Variants in STAM2 observed in about 807,000 individuals in gnomAD.
The protein encoded by STAM2 is signal transducing adaptor molecule 2, also known as signal transducing adapter molecule 2.
In STAM2, 51 loss-of-function variants were observed where a neutral mutation model predicts 65.6. The observed-to-expected ratio is 0.78, with a 90% confidence interval of 0.62 to 0.98. The LOEUF (loss-of-function observed/expected upper bound fraction) is 0.98, where lower values mean the gene tolerates loss of function less well. Among genes scored for constraint, STAM2 ranks in the 50% least tolerant of loss-of-function variants. STAM2 has a pLI of 0.00. For missense variants in STAM2, 584 were observed against 617.8 expected (o/e 0.95, Z 0.58); for synonymous variants, 198 against 208.4 (o/e 0.95, Z 0.43).
intron 1 of STAM2, among the ~76,000 whole-genome samples, chr2:152,151,047 C>T (rs545360278): frequency 6.1e-4 from 92 of 151,394 alleles, no homozygotes; most frequent in African/African-American, 1.2e-3. Flanking sequence ...ATTCATACAA[C>T]GAAATATGAA....
At chr2:152,165,244 C>T (rs1194562379) in intron 1 of STAM2, among the ~76,000 whole-genome samples, 6 of 151,642 alleles carry the variant, frequency 4.0e-5, no homozygotes, top group Non-Finnish European at 7.4e-5. Flanking sequence ...GCTAACACAG[C>T]GAAACCTCGT....
intron 12 of STAM2, among the ~76,000 whole-genome samples, chr2:152,124,997 G>A (rs1188688506): frequency 3.3e-5 from 5 of 152,216 alleles, no homozygotes; most frequent in Non-Finnish European, 7.3e-5. Context: ...GAATCAAACA[G>A]AAAGTTAACT....
intron 7 of STAM2, among the ~76,000 whole-genome samples, chr2:152,137,436 G>T (rs913863541): frequency 7.9e-5 from 12 of 151,506 alleles, no homozygotes; most frequent in African/African-American, 2.2e-4. Flanking sequence ...CTTTTTTTTC[G>T]TATTTTTGCC....
intron 13 of STAM2, 71 bp from the exon 14 acceptor site, chr2:152,120,873 G>A: frequency 8.4e-7 from 1 of 1,187,996 alleles, no homozygotes; most frequent in Non-Finnish European, 1.2e-6. Flanking sequence ...CAATCATCAT[G>A]ACAAAAATGC....
At chr2:152,136,088 CAAAAAA>C (rs1228963447) in intron 7 of STAM2, among the ~76,000 whole-genome samples, 1 of 55,554 alleles carries the variant, frequency 1.8e-5, no homozygotes, top group African/African-American at 6.9e-5. Context: ...AGACTCGTCT[CAAAAAA>C]AAAAAAAAAA....
In STAM2 at chr2:152,133,373, TTAAC is replaced by T. The variant is rs755541261; in HGVS notation, c.882+25_882+28del. ...TAGTACATTTAAATGTCTTGATAGT[TTAAC>T]TATTAAACAAAAGAGGGACCCTACC... On this transcript the variant is annotated intron_variant, in intron 9 of 13. Transcript: ENST00000263904. 7.6e-6 allele frequency: 12 copies of T among 1,574,682 alleles called. No homozygotes were observed. The African/African-American group carries it at 1.2e-4, about 16-fold the overall frequency.
chr2:152,170,482 C>CAAAA (rs111603376), intron 1 of STAM2, among the ~76,000 whole-genome samples: 1 of 101,872 alleles, frequency 9.8e-6, no homozygotes, highest in Non-Finnish European at 2.2e-5. Context: ...GACTCCGTCT[C>CAAAA]AAAAAAAAAA....
intron 13 of STAM2, among the ~76,000 whole-genome samples, chr2:152,121,265 T>G (rs1688849072): frequency 1.3e-5 from 2 of 152,188 alleles, no homozygotes; most frequent in Admixed American, 6.5e-5. Flanking sequence ...TGAGCCACCA[T>G]GCCGAGCTTG....
Position 152,150,239 on chromosome 2 carries a change from A to G in STAM2, c.41-10T>C, listed in dbSNP as rs930005866. The G allele has an allele frequency of 6.4e-7, 1 of 1,567,652 alleles. No individual in the cohort carries two copies. The highest frequency in any genetic ancestry group is 1.7e-5 in the Admixed American group (1 of 59,766). ...TCATTCGTGGCTTTTTCTATAAAATATATTGGCATACACAACAATGAGGAC... is the reference window on the plus strand; with the variant it reads ...TCATTCGTGGCTTTTTCTATAAAATGTATTGGCATACACAACAATGAGGAC... On this transcript the variant is annotated splice_polypyrimidine_tract_variant and intron_variant, in intron 1 of 13. Coordinates refer to ENST00000263904, the MANE Select transcript of STAM2 (RefSeq NM_005843.6).
intron 8 of STAM2, among the ~76,000 whole-genome samples, chr2:152,134,669 T>A (rs891131493): frequency 6.6e-6 from 1 of 152,170 alleles, no homozygotes; most frequent in African/African-American, 2.4e-5. Context: ...ACTAGACACA[T>A]AATCCCTCAG....
chr2:152,163,085 G>T (rs941375195), intron 1 of STAM2, among the ~76,000 whole-genome samples: 3 of 152,136 alleles, frequency 2.0e-5, no homozygotes, highest in Non-Finnish European at 4.4e-5. Context: ...ACTGCCTCTT[G>T]AGAGGAATTT....
At chr2:152,149,573 C>T (rs144434471) in intron 2 of STAM2, among the ~76,000 whole-genome samples, 3,089 of 150,260 alleles carry the variant, frequency 0.021, 52 homozygotes, top group Non-Finnish European at 0.036. Context: ...TCTCGGCTCA[C>T]TGCAAGCTCT....
At position 152,147,211 on chromosome 2, in the gene STAM2, A is replaced by G; in HGVS notation, c.398T>C (p.Ile133Thr). The G allele has an allele frequency of 6.2e-7, 1 of 1,611,790 alleles. No homozygotes were observed. The highest frequency in any genetic ancestry group is 8.5e-7 in the Non-Finnish European group (1 of 1,179,210). Reference sequence around the variant, plus strand: ...AATTCCTTCTTCTTTCATAGATTTAATAGTTGCAGATATCAGACTAAACTG... The same window carrying G: ...AATTCCTTCTTCTTTCATAGATTTAGTAGTTGCAGATATCAGACTAAACTG... ...DPQFSLISAT[I>T]KSMKEEGITF... Residue 133 changes from isoleucine to threonine, a missense_variant, in exon 5 of 14, where the codon ATT (isoleucine) becomes ACT (threonine). Ile to Thr is a moderately conservative substitution (Grantham distance 89). Transcript: ENST00000263904.
Position 152,119,116 on chromosome 2 carries a change from G to T in STAM2, c.*1458C>A, listed in dbSNP as rs538020755. ...ACAAATATAGAAATCTTGCTTCCAC[G>T]TAACTTTTTAAAAACTAATGTCCAT... On this transcript the variant is annotated 3_prime_UTR_variant, in exon 14 of 14. Coordinates refer to ENST00000263904, the MANE Select transcript of STAM2 (RefSeq NM_005843.6). 6.6e-6 allele frequency: 1 copy of T among 151,988 alleles called. No homozygotes were observed. The highest frequency in any genetic ancestry group is 1.5e-5 in the Non-Finnish European group (1 of 67,984). 9.4% of individuals were successfully genotyped at this position (151,988 alleles called of 1,614,324 possible).
chr2:152,168,593 T>G (rs1215533739), intron 1 of STAM2, among the ~76,000 whole-genome samples: 1 of 152,262 alleles, frequency 6.6e-6, no homozygotes, highest in East Asian at 1.9e-4. Context: ...CTTCTTGACT[T>G]ACTTACAAAT....
intron 1 of STAM2, among the ~76,000 whole-genome samples, chr2:152,169,862 T>C (rs1432582275): frequency 1.3e-5 from 2 of 151,774 alleles, no homozygotes; most frequent in Non-Finnish European, 2.9e-5. Flanking sequence ...TACACTTTTT[T>C]TTTTTTTTTG....
At chr2:152,133,150 A>T (rs1689093555) in intron 10 of STAM2, 23 bp downstream of exon 10, 3 of 1,236,978 alleles carry the variant, frequency 2.4e-6, no homozygotes, top group Non-Finnish European at 3.2e-6. Flanking sequence ...ATATTAAAAT[A>T]ATATAAAATA....
intron 11 of STAM2, among the ~76,000 whole-genome samples, chr2:152,126,712 A>C (rs1579311363): frequency 6.6e-6 from 1 of 151,812 alleles, no homozygotes; most frequent in South Asian, 2.1e-4. Flanking sequence ...TCCTTTGCAA[A>C]CCCCCCACGT....
rs377329192 is a variant in STAM2, at chr2:152,123,840, A to G, written c.1275T>C (p.Ile425=). 3.2e-5 allele frequency: 52 copies of G among 1,613,996 alleles called. 2 individuals carry two copies. The highest frequency in any genetic ancestry group is 3.3e-4 in the Middle Eastern group (2 of 6,084). ...TTGGAGGCAGAGATCTCAGTGGACC[A>G]ATTTGATCGGGTCCTAGGCTATAGC... ...AQSYSLGPDQ[I]GPLRSLPPNV... is the part of the protein sequence containing the mutation. The change falls in exon 13 of 14, where the codon ATT becomes ATC. Residue 425 remains isoleucine (I), a synonymous_variant. Coordinates refer to ENST00000263904, the MANE Select transcript of STAM2 (RefSeq NM_005843.6).
Sources: gnomAD v4.1 joint callset for allele counts (sites outside exome capture counted in the v4.1 genomes callset) on GRCh38, gnomAD v4.1.1 for gene constraint, MANE v1.5 for transcripts, NCBI Gene and HGNC (gene_info 2026-07-23, HGNC 2026-07-21) for gene names.